The following EHD4 variants were observed in gnomAD, a reference collection of about 807,000 sequenced individuals.
The protein encoded by EHD4 is EH domain containing 4.
A neutral mutation model predicts 51.0 loss-of-function variants in EHD4; 37 were observed. That is an observed-to-expected ratio of 0.73 (90% CI 0.56 to 0.95). The LOEUF (loss-of-function observed/expected upper bound fraction) is 0.95, where lower values mean the gene tolerates loss of function less well. Among genes scored for constraint, EHD4 ranks in the 40% least tolerant of loss-of-function variants. The pLI, the probability that EHD4 is intolerant of heterozygous loss-of-function variation, is 0.00. For missense variants in EHD4, 632 were observed against 733.1 expected (o/e 0.86, Z 1.59); for synonymous variants, 297 against 317.3 (o/e 0.94, Z 0.68).
Position 41,943,177 on chromosome 15 carries a change from G to T in EHD4, c.414-13C>A, listed in dbSNP as rs770233320. 5.1e-6 allele frequency: 8 copies of T among 1,567,030 alleles called. No individual in the cohort carries two copies. The highest frequency in any genetic ancestry group is 1.7e-6 in the Non-Finnish European group (2 of 1,154,152). On this transcript the variant is annotated splice_polypyrimidine_tract_variant and intron_variant, in intron 2 of 5. Transcript: ENST00000220325. ...TGAGCACATGAATCTGGAAGAGACG[G>T]ATCAAAGGAGGGGTCAGAAACTGGG...
At chr15:41,911,387 T>A (rs1363198796) in intron 4 of EHD4, among the ~76,000 whole-genome samples, 1 of 152,108 alleles carries the variant, frequency 6.6e-6, no homozygotes, top group Admixed American at 6.5e-5. Context: ...AAGTTTGGGA[T>A]CCGTTATTTA....
intron 1 of EHD4, among the ~76,000 whole-genome samples, chr15:41,958,767 G>A (rs986496373): frequency 1.3e-5 from 2 of 152,172 alleles, no homozygotes; most frequent in Non-Finnish European, 2.9e-5. Flanking sequence ...GACTCGTTAT[G>A]TGCTAAAGTC....
At chr15:41,965,777 G>A (rs2067957851) in intron 1 of EHD4, among the ~76,000 whole-genome samples, 1 of 152,158 alleles carries the variant, frequency 6.6e-6, no homozygotes, top group Non-Finnish European at 1.5e-5. Flanking sequence ...AGTTAGGGAA[G>A]ATAATGTCAG....
chr15:41,965,561 G>A (rs778109469), intron 1 of EHD4, among the ~76,000 whole-genome samples: 1 of 152,182 alleles, frequency 6.6e-6, no homozygotes, highest in African/African-American at 2.4e-5. Context: ...TACTGTGAGA[G>A]ATGGTTTAGA....
At position 41,896,563 on chromosome 15, in the gene EHD4, T is replaced by G. The variant is rs1158761059; in HGVS notation, c.*4082A>C. On this transcript the variant is annotated 3_prime_UTR_variant, in exon 6 of 6. Transcript: ENST00000220325. Reference sequence around the variant, plus strand: ...GAGGAGGAGTGCTCTGCAAGGAGACTGTAGGTCTGGACCACCAAAAAGGTA... The same window carrying G: ...GAGGAGGAGTGCTCTGCAAGGAGACGGTAGGTCTGGACCACCAAAAAGGTA... 2 of 150,460 alleles carry G rather than the reference T, an allele frequency of 1.3e-5. No individual in the cohort carries two copies. The highest frequency in any genetic ancestry group is 4.9e-5 in the African/African-American group (2 of 40,688). 9.3% of individuals were successfully genotyped at this position (150,460 alleles called of 1,614,324 possible). A position where few individuals can be genotyped will look rare whatever the true frequency, so the allele number is the denominator to read the frequency against.
intron 1 of EHD4, among the ~76,000 whole-genome samples, chr15:41,958,175 T>C (rs909824413): frequency 8.6e-5 from 13 of 151,808 alleles, no homozygotes; most frequent in Non-Finnish European, 1.6e-4. Flanking sequence ...TCCACAGGCA[T>C]CCTGTGCTTT....
chr15:41,917,048 A>G (rs2140987555), intron 4 of EHD4, among the ~76,000 whole-genome samples: 1 of 152,280 alleles, frequency 6.6e-6, no homozygotes, highest in South Asian at 2.1e-4. Flanking sequence ...GATGGCAGGG[A>G]AGCTCTACGG....
At position 41,901,043 on chromosome 15, in the gene EHD4, G is replaced by C. The variant is rs968127735; in HGVS notation, c.1228C>G (p.Gln410Glu). 1.2e-6 allele frequency: 2 copies of C among 1,612,448 alleles called. No individual in the cohort carries two copies. Among genetic ancestry groups the C allele is most frequent in the Admixed American group, 1.7e-5 (1 of 59,914 alleles). ...ISQEETSTPT[Q>E]LVQGGAFDGT... ...TCGAAGGCGCCGCCCTGCACCAGCT[G>C]CGTGGGCGTGCTCGTCTCCTCCTGG... Residue 410 changes from glutamine to glutamate, a missense_variant, in exon 6 of 6, where the codon CAG becomes GAG. Gln to Glu is a conservative substitution (Grantham distance 29). Transcript: ENST00000220325.
Position 41,939,873 on chromosome 15 carries a change from G to A in EHD4, c.511+3194C>T, listed in dbSNP as rs78278759. On this transcript the variant is annotated intron_variant, in intron 3 of 5. Coordinates refer to ENST00000220325, the MANE Select transcript of EHD4 (RefSeq NM_139265.4). ...CTTGAGGGGTAAGGAGTTTCCATAC[G>A]GAGTAGTATACTAAAAATTGCTCCA... 2.3e-3 allele frequency among the ~76,000 whole-genome samples: 355 copies of A among 151,838 alleles called. 3 individuals are homozygous for A. Among genetic ancestry groups the A allele is most frequent in the African/African-American group, 8.1e-3 (335 of 41,386 alleles).
chr15:41,953,836 C>T lies in EHD4; in HGVS notation c.341G>A (p.Gly114Glu). 1 of 1,614,036 alleles carries T rather than the reference C, an allele frequency of 6.2e-7. No individual in the cohort carries two copies. Among genetic ancestry groups the T allele is most frequent in the Non-Finnish European group, 8.5e-7 (1 of 1,179,996 alleles). The change falls in exon 2 of 6, where the codon GGG becomes GAG. Residue 114 changes from glycine (G) to glutamate (E), a missense_variant. Gly to Glu is a moderately conservative substitution (Grantham distance 98). Coordinates refer to ENST00000220325, the MANE Select transcript of EHD4 (RefSeq NM_139265.4). Reference sequence around the variant, plus strand: ...TTTGGGGTCCACGACTAAAGCATTCCCTGGGGTGCTGCCCTCAGTCTCTCC... The same window carrying T: ...TTTGGGGTCCACGACTAAAGCATTCTCTGGGGTGCTGCCCTCAGTCTCTCC... ...MYGETEGSTPGNALVVDPKKP... is the reference protein window; with the variant it reads ...MYGETEGSTPENALVVDPKKP...
In EHD4 at chr15:41,909,744, T is replaced by C; in HGVS notation, c.1044A>G (p.Glu348=). 1 of 1,614,186 alleles carries C rather than the reference T, an allele frequency of 6.2e-7. No individual in the cohort carries two copies. The highest frequency in any genetic ancestry group is 8.5e-7 in the Non-Finnish European group (1 of 1,180,024). The stretch of plus-strand genomic sequence containing the variant: ...GGAAGTCCCCTGCAGAAATCTGGTA[T>C]TCTCGCTGTAGCTGAATGTAGATTT... ...LPEIYIQLQR[E]YQISAGDFPE... Residue 348 remains glutamate, a synonymous_variant, in exon 5 of 6, where the codon GAA becomes GAG. Transcript: ENST00000220325.
chr15:41,932,209 G>A (rs932579065), intron 3 of EHD4, among the ~76,000 whole-genome samples: 5 of 152,152 alleles, frequency 3.3e-5, no homozygotes, highest in South Asian at 2.1e-4. Flanking sequence ...CAGCTCCGAA[G>A]TACAGACATG....
chr15:41,930,131 A>G (rs1665464299), intron 3 of EHD4, among the ~76,000 whole-genome samples: 1 of 152,248 alleles, frequency 6.6e-6, no homozygotes, highest in Admixed American at 6.5e-5. Flanking sequence ...ATACTGAAAG[A>G]AACTATCTGA....
intron 1 of EHD4, among the ~76,000 whole-genome samples, chr15:41,965,319 C>T (rs906725954): frequency 8.5e-5 from 13 of 152,206 alleles, no homozygotes; most frequent in African/African-American, 3.1e-4. Flanking sequence ...AAAAAGAACC[C>T]CATTTATTAA....
chr15:41,942,948 A>T, intron 3 of EHD4, 119 bp downstream of exon 3: 1 of 966,374 alleles, frequency 1.0e-6, no homozygotes, highest in Non-Finnish European at 1.6e-6. Flanking sequence ...GGGCCCCTTC[A>T]GCTGCCCAAC....
At chr15:41,937,122 C>T (rs1275777231) in intron 3 of EHD4, among the ~76,000 whole-genome samples, 1 of 152,234 alleles carries the variant, frequency 6.6e-6, no homozygotes, top group Admixed American at 6.5e-5. Flanking sequence ...GCTGCATGTT[C>T]TATTCTACAG....
At chr15:41,913,816 G>A (rs1013790876) in intron 4 of EHD4, among the ~76,000 whole-genome samples, 3 of 152,120 alleles carry the variant, frequency 2.0e-5, no homozygotes, top group Non-Finnish European at 4.4e-5. Flanking sequence ...TTGAACATTC[G>A]TATCTTGTTC....
At chr15:41,924,750 A>G (rs1033062119) in intron 3 of EHD4, among the ~76,000 whole-genome samples, 1 of 152,164 alleles carries the variant, frequency 6.6e-6, no homozygotes, top group Non-Finnish European at 1.5e-5. Context: ...AAATATGTCA[A>G]ATTCACCAAA....
At chr15:41,920,977 T>C (rs556540694) in intron 3 of EHD4, among the ~76,000 whole-genome samples, 8 of 152,258 alleles carry the variant, frequency 5.3e-5, no homozygotes, top group South Asian at 2.1e-4. Flanking sequence ...GGAAAAAGTA[T>C]CTGAGGTGAA....
Sources: allele counts gnomAD v4.1 joint callset (sites outside exome capture counted in the v4.1 genomes callset), GRCh38; gene constraint gnomAD v4.1.1; transcripts MANE v1.5; gene names NCBI Gene and HGNC (gene_info 2026-07-23, HGNC 2026-07-21).